Variants in SLC25A21 observed in about 807,000 individuals in gnomAD.
The protein encoded by SLC25A21 is mitochondrial 2-oxodicarboxylate carrier.
In SLC25A21, 47 loss-of-function variants were observed where a neutral mutation model predicts 43.8. The observed-to-expected ratio is 1.07, with a 90% CI of 0.85 to 1.37. The LOEUF (loss-of-function observed/expected upper bound fraction) is 1.37. Ranked by LOEUF, SLC25A21 falls within the 40% of genes most tolerant of loss-of-function variation. SLC25A21 has a pLI of 0.00. For missense variants in SLC25A21, 352 were observed against 350.2 expected (o/e 1.00, Z -0.04); for synonymous variants, 131 against 121.3 (o/e 1.08, Z -0.52).
Position 36,810,851 on chromosome 14 carries a change from C to T in SLC25A21, c.203+3067G>A, listed in dbSNP as rs575480649. On this transcript the variant is annotated intron_variant, in intron 3 of 9. Transcript: ENST00000331299. ...GCTTCACAAACCAGGATGGTGCGTG[C>T]TATATTTTATACAGCATATGTAGAG... is the stretch of plus-strand genomic sequence containing the variant. Among the ~76,000 whole-genome samples, 68 of 50,988 alleles carry T rather than the reference C, an allele frequency of 1.3e-3. 2 individuals are homozygous for T. The highest frequency in any genetic ancestry group is 8.2e-4 in the Admixed American group (3 of 3,670). 33.5% of individuals were successfully genotyped at this position (50,988 alleles called of 152,430 possible). A position where few individuals can be genotyped will look rare whatever the true frequency, so the allele number is the denominator to read the frequency against.
chr14:36,683,798 G>C, intron 9 of SLC25A21, 30 bp downstream of exon 9: 1 of 1,519,498 alleles, frequency 6.6e-7, no homozygotes, highest in South Asian at 1.2e-5. Context: ...AATAAAGAAG[G>C]AAGGATTAAA....
At chr14:36,866,030 CTA>C (rs1890204841) in intron 2 of SLC25A21, among the ~76,000 whole-genome samples, 1 of 152,168 alleles carries the variant, frequency 6.6e-6, no homozygotes, top group Non-Finnish European at 1.5e-5. Context: ...TAGTCTTTAA[CTA>C]TATGTCTATG....
intron 2 of SLC25A21, among the ~76,000 whole-genome samples, chr14:36,821,997 G>A (rs553168240): frequency 5.0e-4 from 76 of 152,266 alleles, no homozygotes; most frequent in African/African-American, 1.8e-3. Flanking sequence ...CTCCCCAACT[G>A]TACAAGGAAC....
At chr14:36,959,291 G>A (rs1032117106) in intron 1 of SLC25A21, among the ~76,000 whole-genome samples, 1 of 152,136 alleles carries the variant, frequency 6.6e-6, no homozygotes, top group Non-Finnish European at 1.5e-5. Context: ...TTGACTGTTA[G>A]ATCCCCATTA....
rs77892257 is a variant in SLC25A21 at position 37,024,367 on chromosome 14, G to T, written c.70+147914C>A. On this transcript the variant is annotated intron_variant, in intron 1 of 9. Coordinates refer to ENST00000331299, the MANE Select transcript of SLC25A21 (RefSeq NM_030631.4). ...TTGGTTCCAAGTAGGGTCAACAGAGGGCAGTGTGTTGATGGTTCTATGAAA... is the reference window on the plus strand; with the variant it reads ...TTGGTTCCAAGTAGGGTCAACAGAGTGCAGTGTGTTGATGGTTCTATGAAA... 1.9e-3 allele frequency among the ~76,000 whole-genome samples: 284 copies of T among 152,074 alleles called. 1 individual carries two copies. The highest frequency in any genetic ancestry group is 6.5e-3 in the African/African-American group (271 of 41,488).
intron 3 of SLC25A21, among the ~76,000 whole-genome samples, chr14:36,735,472 T>TAAATGACTAAAGATAAGGGCAGAGCTC (rs145352109): frequency 1.3e-5 from 2 of 151,822 alleles, no homozygotes; most frequent in Non-Finnish European, 2.9e-5. Context: ...GATGAGTCCA[T>TAAATGACTAAAGATAAGGGCAGAGCTC]AACATGTCCC....
chr14:36,942,596 A>C (rs1892590471), intron 1 of SLC25A21, among the ~76,000 whole-genome samples: 1 of 152,248 alleles, frequency 6.6e-6, no homozygotes, highest in Admixed American at 6.5e-5. Flanking sequence ...ATGCAAGGAC[A>C]GAAAGAAAAT....
At chr14:36,804,647 C>T (rs900926346) in intron 3 of SLC25A21, among the ~76,000 whole-genome samples, 2 of 152,180 alleles carry the variant, frequency 1.3e-5, no homozygotes, top group African/African-American at 2.4e-5. Context: ...AATTCCAAAC[C>T]ACCTGGAAGA....
At position 36,819,668 on chromosome 14, in the gene SLC25A21, C is replaced by T. The variant is rs764170706; in HGVS notation, c.120-5667G>A. ...CTTTATTTCCAAAGTAATTTTACAT[C>T]TATCATCTTCTTAACAAATACTGAA... is the stretch of plus-strand genomic sequence containing the variant. On this transcript the variant is annotated intron_variant, in intron 2 of 9. Transcript: ENST00000331299. Among the ~76,000 whole-genome samples, 42 of 152,274 alleles carry T rather than the reference C, an allele frequency of 2.8e-4. 1 individual carries two copies. Among genetic ancestry groups the T allele is most frequent in the Middle Eastern group, 3.4e-3 (1 of 294 alleles).
At chr14:36,891,094 T>G (rs944066376) in intron 1 of SLC25A21, among the ~76,000 whole-genome samples, 27 of 152,132 alleles carry the variant, frequency 1.8e-4, no homozygotes, top group African/African-American at 5.3e-4. Flanking sequence ...TACCAACGAA[T>G]GAAAAACCTA....
At chr14:36,911,704 C>A (rs1226910909) in intron 1 of SLC25A21, among the ~76,000 whole-genome samples, 1 of 152,066 alleles carries the variant, frequency 6.6e-6, no homozygotes, top group African/African-American at 2.4e-5. Flanking sequence ...GCCACTGAAG[C>A]CCCAGCCACT....
At chr14:36,871,372 C>A (rs1459068009) in intron 2 of SLC25A21, among the ~76,000 whole-genome samples, 1 of 152,146 alleles carries the variant, frequency 6.6e-6, no homozygotes, top group Admixed American at 6.5e-5. Flanking sequence ...ATCTCAGCCT[C>A]CAGTATGGTG....
intron 1 of SLC25A21, among the ~76,000 whole-genome samples, chr14:37,163,062 A>G (rs1017299576): frequency 4.0e-4 from 60 of 148,296 alleles, no homozygotes; most frequent in African/African-American, 1.4e-3. Context: ...AACACCGCAT[A>G]TTCTCACTCA....
Position 36,917,225 on chromosome 14 carries a change from C to T in SLC25A21, c.71-42221G>A, listed in dbSNP as rs905366071. Among the ~76,000 whole-genome samples the T allele has an allele frequency of 2.6e-5, 4 of 152,166 alleles. No homozygotes were observed. The East Asian group carries it at 7.7e-4, about 29-fold the overall frequency. ...ACTTACCCATAGAAGAAAGAGTTAT[C>T]AAACCCCATTCCCCTCATCCAGGCC... is the stretch of plus-strand genomic sequence containing the variant. On this transcript the variant is annotated intron_variant, in intron 1 of 9. Coordinates refer to ENST00000331299, the MANE Select transcript of SLC25A21 (RefSeq NM_030631.4).
chr14:36,735,812 CTTTTTTTT>C (rs58500416), intron 3 of SLC25A21, among the ~76,000 whole-genome samples: 3,519 of 131,670 alleles, frequency 0.027, 172 homozygotes, highest in African/African-American at 0.095. Flanking sequence ...TCCCAGAATC[CTTTTTTTT>C]TTTTTTTTTT....
intron 2 of SLC25A21, among the ~76,000 whole-genome samples, chr14:36,837,462 G>A (rs1401271637): frequency 2.6e-5 from 4 of 152,110 alleles, no homozygotes; most frequent in Admixed American, 6.5e-5. Flanking sequence ...TGCCAATACA[G>A]AGCACAGAGA....
At chr14:36,772,826 A>G (rs1243920898) in intron 3 of SLC25A21, among the ~76,000 whole-genome samples, 1 of 152,246 alleles carries the variant, frequency 6.6e-6, no homozygotes, top group Non-Finnish European at 1.5e-5. Flanking sequence ...TGAGAAACCC[A>G]GGTTGCTGTT....
intron 1 of SLC25A21, among the ~76,000 whole-genome samples, chr14:36,936,884 A>G (rs141192034): frequency 3.9e-4 from 60 of 152,278 alleles, no homozygotes; most frequent in African/African-American, 1.3e-3. Flanking sequence ...TCAATGCACA[A>G]TGCTGTCCCT....
intron 1 of SLC25A21, among the ~76,000 whole-genome samples, chr14:37,073,493 A>T (rs922094583): frequency 7.2e-5 from 11 of 152,186 alleles, no homozygotes; most frequent in Admixed American, 3.3e-4. Context: ...GATTACAGGC[A>T]TGAGCCACTA....
Sources: allele counts gnomAD v4.1 joint callset (sites outside exome capture counted in the v4.1 genomes callset), GRCh38; gene constraint gnomAD v4.1.1; transcripts MANE v1.5; gene names NCBI Gene and HGNC (gene_info 2026-07-23, HGNC 2026-07-21).